Variants in CPXM2 observed in about 807,000 individuals in gnomAD.
CPXM2 encodes inactive carboxypeptidase-like protein X2.
In CPXM2, 66 loss-of-function variants were observed where a neutral mutation model predicts 86.1. The ratio of observed to expected loss-of-function variants is 0.77; its 90% confidence interval spans 0.63 to 0.94. The LOEUF is 0.94. CPXM2 is among the 40% of genes least tolerant of loss of function. The probability of loss-of-function intolerance (pLI) is 0.00; values close to 1 mark genes in which losing one functional copy is unlikely to be tolerated. For synonymous variants in CPXM2, 388 were observed against 400.2 expected (o/e 0.97, Z 0.36); for missense variants, 948 against 1,026.3 (o/e 0.92, Z 1.04).
chr10:123,917,561 C>T (rs1001877673), intron 2 of CPXM2, among the ~76,000 whole-genome samples: 1 of 152,208 alleles, frequency 6.6e-6, no homozygotes, highest in Non-Finnish European at 1.5e-5. Context: ...ATTTTAATGG[C>T]ACCTTTCTAC....
In CPXM2 at chr10:123,780,226, C is replaced by G; in HGVS notation, c.919G>C (p.Glu307Gln). ...TCCAGGTCATCAGTGGTGGTCATCT[C>G]GTTCCGGCGGTGATAATAATTATTA... Reference protein sequence around the residue: ...DPNNYYHRRNEMTTTDDLDFK... With the variant: ...DPNNYYHRRNQMTTTDDLDFK... Residue 307 changes from glutamate (E) to glutamine (Q), a missense_variant, in exon 7 of 14, where the codon GAG (glutamate) becomes CAG (glutamine). By Grantham distance (29) the Glu-to-Gln change is conservative. Coordinates refer to ENST00000241305, the MANE Select transcript of CPXM2 (RefSeq NM_198148.3). 6.2e-7 allele frequency: 1 copy of G among 1,610,470 alleles called. No homozygotes were observed. The highest frequency in any genetic ancestry group is 8.5e-7 in the Non-Finnish European group (1 of 1,176,694).
At chr10:123,832,498 A>T (rs961078662) in intron 4 of CPXM2, among the ~76,000 whole-genome samples, 2 of 152,140 alleles carry the variant, frequency 1.3e-5, no homozygotes, top group African/African-American at 4.8e-5. Flanking sequence ...CAAAATTCAT[A>T]TGTTGGAACC....
intron 4 of CPXM2, among the ~76,000 whole-genome samples, chr10:123,803,491 T>G (rs1456788285): frequency 6.6e-6 from 1 of 152,140 alleles, no homozygotes; most frequent in Admixed American, 6.5e-5. Context: ...TCAGTATTTT[T>G]GTTCTTTTCA....
intron 7 of CPXM2, 24 bp from the exon 8 acceptor site, chr10:123,771,063 A>G: frequency 1.2e-6 from 2 of 1,609,038 alleles, no homozygotes; most frequent in Non-Finnish European, 1.7e-6. Context: ...TGAATCAAAA[A>G]CTCTAAGCAT....
chr10:123,810,055 T>A (rs1452225735), intron 4 of CPXM2, among the ~76,000 whole-genome samples: 3 of 151,626 alleles, frequency 2.0e-5, no homozygotes, highest in African/African-American at 7.3e-5. Flanking sequence ...GGAAGAACTA[T>A]CCATAAAAGC....
At chr10:123,823,523 G>T (rs575849855) in intron 4 of CPXM2, among the ~76,000 whole-genome samples, 1 of 152,208 alleles carries the variant, frequency 6.6e-6, no homozygotes, top group South Asian at 2.1e-4. Context: ...TTTAACTAGA[G>T]TACACTATTT....
At chr10:123,862,492 C>A (rs1158917348) in intron 3 of CPXM2, 122 bp downstream of exon 3, 5 of 845,774 alleles carry the variant, frequency 5.9e-6, no homozygotes, top group East Asian at 5.3e-5. Context: ...CAGCAATATC[C>A]TTTCTTACTG....
upstream of CPXM2, chr10:123,891,824 T>TGGGCG: frequency 4.5e-6 from 1 of 219,862 alleles, no homozygotes; most frequent in South Asian, 1.6e-4. This position sits in a 1 kb window ranked among gnomAD's most constrained non-coding sequence, Gnocchi z 5.6. Flanking sequence ...CCCGCGGGGC[T>TGGGCG]GGGCTGGGCT....
In CPXM2 at chr10:123,843,432, A is replaced by ATTTTTT. The variant is rs5788632; in HGVS notation, c.514-950_514-945dup. ...TTTTCCATGGCTATTTCACAGAGCT[A>ATTTTTT]TTTTTTTTTTTTTTTTTTTGAGACG... On this transcript the variant is annotated intron_variant, in intron 3 of 13. Transcript: ENST00000241305. 8.7e-5 allele frequency among the ~76,000 whole-genome samples: 11 copies of ATTTTTT among 126,372 alleles called. 3 individuals carry two copies. Among genetic ancestry groups the ATTTTTT allele is most frequent in the Non-Finnish European group, 1.1e-4 (7 of 61,924 alleles). 82.9% of individuals were successfully genotyped at this position (126,372 alleles called of 152,430 possible). A position where few individuals can be genotyped will look rare whatever the true frequency, so the allele number is the denominator to read the frequency against.
At chr10:123,932,534 T>C (rs1945674586) in intron 2 of CPXM2, among the ~76,000 whole-genome samples, 1 of 152,230 alleles carries the variant, frequency 6.6e-6, no homozygotes, top group African/African-American at 2.4e-5. Flanking sequence ...GCCAACTCAA[T>C]AGTGCATCTC....
chr10:123,922,961 A>G lies in CPXM2; in HGVS notation n.174+16516T>C, dbSNP rs1590123799. ...CCTTAAACGAGTGAACAGATTACTCACTGTGGAGCAGCTTGAGGCCGTCCC... is the reference window on the plus strand; with the variant it reads ...CCTTAAACGAGTGAACAGATTACTCGCTGTGGAGCAGCTTGAGGCCGTCCC... On this transcript the variant is annotated intron_variant and non_coding_transcript_variant, in intron 2 of 19. Transcript: ENST00000368854. 2.0e-5 allele frequency among the ~76,000 whole-genome samples: 3 copies of G among 152,352 alleles called. 1 individual carries two copies. The South Asian group carries it at 6.2e-4, about 32-fold the overall frequency.
chr10:123,823,171 T>C (rs1847965509), intron 4 of CPXM2, among the ~76,000 whole-genome samples: 1 of 151,960 alleles, frequency 6.6e-6, no homozygotes, highest in Non-Finnish European at 1.5e-5. Context: ...ATATGTACCA[T>C]CGAAATAAAG....
chr10:123,888,491 C>T (rs1945214287), intron 1 of CPXM2, among the ~76,000 whole-genome samples: 1 of 152,180 alleles, frequency 6.6e-6, no homozygotes, highest in East Asian at 1.9e-4. Flanking sequence ...TAAGTGCCTT[C>T]CTAAGATATT....
chr10:123,942,562 A>G (rs1477319079), upstream of CPXM2, among the ~76,000 whole-genome samples: 1 of 152,230 alleles, frequency 6.6e-6, no homozygotes, highest in Non-Finnish European at 1.5e-5. Flanking sequence ...CCATTGCCAC[A>G]TCTGGAAGTT....
intron 10 of CPXM2, among the ~76,000 whole-genome samples, chr10:123,765,298 T>C (rs768953869): frequency 6.6e-6 from 1 of 152,254 alleles, no homozygotes; most frequent in Non-Finnish European, 1.5e-5. Flanking sequence ...ATCTAATCTA[T>C]CCACAATTGA....
chr10:123,889,084 G>A (rs1270974864), intron 1 of CPXM2, among the ~76,000 whole-genome samples: 2 of 152,176 alleles, frequency 1.3e-5, no homozygotes, highest in African/African-American at 4.8e-5. Flanking sequence ...TTCTCCTCCA[G>A]AGACCCCATT....
At position 123,768,648 on chromosome 10, in the gene CPXM2, C is replaced by T; in HGVS notation, c.1177G>A (p.Val393Met). Residue 393 changes from valine (V) to methionine (M), a missense_variant, in exon 9 of 14, where the codon GTG (valine) becomes ATG (methionine). Coordinates refer to ENST00000241305, the MANE Select transcript of CPXM2 (RefSeq NM_198148.3). ...VLGRELLLLL[V>M]QFVCQEYLAR... ...AAGTACTCCTGACACACGAACTGCACCAGCAGCAGCAGCAGCTCCCGGCCC... is the reference window on the plus strand; with the variant it reads ...AAGTACTCCTGACACACGAACTGCATCAGCAGCAGCAGCAGCTCCCGGCCC... The T allele has an allele frequency of 1.9e-6, 3 of 1,613,054 alleles. No individual in the cohort carries two copies. Among genetic ancestry groups the T allele is most frequent in the Non-Finnish European group, 2.5e-6 (3 of 1,179,548 alleles).
At chr10:123,934,748 G>A (rs879382063) in intron 2 of CPXM2, among the ~76,000 whole-genome samples, 10 of 152,058 alleles carry the variant, frequency 6.6e-5, no homozygotes, top group East Asian at 5.8e-4. Context: ...CCCCACCCAC[G>A]TAGAGGGTGT....
At chr10:123,878,296 CTTTTTTTTTTTTTT>C (rs72163200) in intron 2 of CPXM2, among the ~76,000 whole-genome samples, 1 of 122,844 alleles carries the variant, frequency 8.1e-6, no homozygotes, top group Admixed American at 9.7e-5. Context: ...TTTTTTCTCT[CTTTTTTTTTTTTTT>C]TTTTTTTTTT....
Sources: gnomAD v4.1 joint callset for allele counts (sites outside exome capture counted in the v4.1 genomes callset) on GRCh38, gnomAD v4.1.1 for gene constraint, Gnocchi (gnomAD v3.1) non-coding constraint, MANE v1.5 for transcripts, NCBI Gene and HGNC (gene_info 2026-07-23, HGNC 2026-07-21) for gene names.